The following ANOS1 variants were observed in gnomAD, a reference collection of about 807,000 sequenced individuals.
ANOS1 encodes anosmin 1.
ANOS1 carries 6 observed loss-of-function variants against 59.0 expected under a neutral mutation model. The ratio of observed to expected loss-of-function variants is 0.10; its 90% confidence interval spans 0.06 to 0.20. ANOS1 has a LOEUF of 0.20. ANOS1 is among the 10% of genes least tolerant of loss of function. The pLI is 1.00. For missense variants in ANOS1, 433 were observed against 542.3 expected, an observed-to-expected ratio of 0.80 and a Z score of 2.00; for synonymous variants, 217 against 223.4, an observed-to-expected ratio of 0.97 and a Z score of 0.25.
intron 6 of ANOS1, among the ~76,000 whole-genome samples, chrX:8,576,592 G>A (rs1467219131): frequency 1.8e-5 from 2 of 109,425 alleles, no homozygotes; most frequent in Non-Finnish European, 3.8e-5. Context: ...AACTCTATAC[G>A]TTATTATAAA....
At chrX:8,540,518 G>A (rs1004629809) in intron 9 of ANOS1, among the ~76,000 whole-genome samples, 1 of 111,079 alleles carries the variant, frequency 9.0e-6, no homozygotes, top group African/African-American at 3.3e-5. Flanking sequence ...CAATAAAGTG[G>A]GGGGAAAAAA....
chrX:8,587,285 C>T (rs1012352120), intron 5 of ANOS1, among the ~76,000 whole-genome samples: 2 of 111,357 alleles, frequency 1.8e-5, no homozygotes, highest in South Asian at 3.8e-4. Context: ...TTGACTAAGA[C>T]AAAGAAGAAA....
chrX:8,585,189 G>A, intron 6 of ANOS1, 78 bp downstream of exon 6: 2 of 1,046,537 alleles, frequency 1.9e-6, no homozygotes, highest in Admixed American at 4.7e-5. Context: ...TATGAACATA[G>A]AGACAGTGAA....
chrX:8,704,560 G>C (rs1932771681), intron 1 of ANOS1, among the ~76,000 whole-genome samples: 1 of 112,168 alleles, frequency 8.9e-6, no homozygotes, highest in African/African-American at 3.2e-5. Flanking sequence ...GTTGAGCAAG[G>C]CATTTTCATT....
chrX:8,609,030 A>T (rs1195278882), intron 3 of ANOS1, among the ~76,000 whole-genome samples: 1 of 112,407 alleles, frequency 8.9e-6, no homozygotes, highest in Non-Finnish European at 1.9e-5. Context: ...TTTCCTCGTT[A>T]TGAACAAGTA....
intron 3 of ANOS1, 76 bp downstream of exon 3, chrX:8,623,532 C>G (rs759200070): frequency 7.7e-5 from 55 of 710,684 alleles, no homozygotes; most frequent in Non-Finnish European, 1.2e-4. Context: ...TAAGAAGGCC[C>G]ATTCATTCCC....
chrX:8,700,516 C>T (rs1932746364), intron 1 of ANOS1, among the ~76,000 whole-genome samples: 1 of 111,695 alleles, frequency 9.0e-6, no homozygotes, highest in Non-Finnish European at 1.9e-5. Context: ...AAGATTTGGG[C>T]AGGCACACAA....
intron 6 of ANOS1, among the ~76,000 whole-genome samples, chrX:8,578,857 A>G (rs1451510099): frequency 8.9e-6 from 1 of 112,213 alleles, no homozygotes; most frequent in African/African-American, 3.2e-5. Flanking sequence ...ATCAAAAAAA[A>G]TGAATTTGGA....
chrX:8,719,718 G>A (rs938745194), intron 1 of ANOS1, among the ~76,000 whole-genome samples: 3 of 110,768 alleles, frequency 2.7e-5, no homozygotes, highest in African/African-American at 9.9e-5. Context: ...ACATATCTGC[G>A]TTATCTTTAT....
chrX:8,564,302 T>A (rs1255734828), intron 8 of ANOS1, among the ~76,000 whole-genome samples: 1 of 111,497 alleles, frequency 9.0e-6, no homozygotes, highest in Non-Finnish European at 1.9e-5. Flanking sequence ...GGGGCAGATT[T>A]GGTGGAAAAG....
At chrX:8,653,484 C>T (rs1168013123) in intron 2 of ANOS1, among the ~76,000 whole-genome samples, 1 of 111,174 alleles carries the variant, frequency 9.0e-6, no homozygotes, top group Non-Finnish European at 1.9e-5. Context: ...CATCCTGGAC[C>T]TCTCTCCTCC....
intron 3 of ANOS1, among the ~76,000 whole-genome samples, chrX:8,606,996 G>A (rs5934456): frequency 0.38 from 42,256 of 110,725 alleles, 5,809 homozygotes; most frequent in South Asian, 0.43. Flanking sequence ...GCACACAACT[G>A]TAATCCCAGC....
intron 1 of ANOS1, among the ~76,000 whole-genome samples, chrX:8,726,183 G>C (rs772166073): frequency 9.0e-6 from 1 of 111,205 alleles, no homozygotes; most frequent in Non-Finnish European, 1.9e-5. Flanking sequence ...GTTTTGATGC[G>C]CTAATTGTTT....
At chrX:8,686,664 G>A (rs2146890334) in intron 2 of ANOS1, among the ~76,000 whole-genome samples, 1 of 112,161 alleles carries the variant, frequency 8.9e-6, no homozygotes, top group Admixed American at 9.4e-5. Context: ...CAGAATGAAT[G>A]TCTCTAGGCC....
rs767020991 is a variant in ANOS1 at position 8,721,279 on chromosome X, T to C, written c.207+10551A>G. On this transcript the variant is annotated intron_variant, in intron 1 of 13. Transcript: ENST00000262648. ...GGTGCTGTTTCCCCTCTGTCTTCTC[T>C]CGCTGTTAACATACTAAGAAGTGGA... Among the ~76,000 whole-genome samples the C allele has an allele frequency of 1.1e-4, 12 of 111,748 alleles. No homozygotes were observed. The South Asian group carries it at 1.1e-3, about 11-fold the overall frequency.
intron 2 of ANOS1, among the ~76,000 whole-genome samples, chrX:8,670,005 G>A (rs1295630830): frequency 8.9e-6 from 1 of 111,754 alleles, no homozygotes; most frequent in Non-Finnish European, 1.9e-5. Flanking sequence ...ATAGATAAAC[G>A]ATGAGAGAAA....
chrX:8,587,839 G>A lies in ANOS1; in HGVS notation c.681C>T (p.Ile227=), dbSNP rs1930545351. The A allele has an allele frequency of 8.3e-7, 1 of 1,205,051 alleles. No homozygotes were observed. Among genetic ancestry groups the A allele is most frequent in the Non-Finnish European group, 1.1e-6 (1 of 892,347 alleles). Residue 227 remains isoleucine (I), a synonymous_variant, in exon 5 of 14, where the codon ATC becomes ATT. Transcript: ENST00000262648. ...GAGTGGCGTCATCTTCGCTAGGATG[G>A]ATTCCATAATTCCATCTTCTTTGTA... ...YVVQRRWNYG[I]HPSEDDATHW...
intron 1 of ANOS1, among the ~76,000 whole-genome samples, chrX:8,718,118 G>A (rs1932852169): frequency 9.0e-6 from 1 of 111,520 alleles, no homozygotes; most frequent in African/African-American, 3.3e-5. Context: ...AAATGATTAA[G>A]CAAAAGATAT....
intron 1 of ANOS1, among the ~76,000 whole-genome samples, chrX:8,711,860 A>G (rs1036012747): frequency 2.7e-5 from 3 of 113,066 alleles, no homozygotes; most frequent in Admixed American, 9.4e-5. Flanking sequence ...TTGCAAAGGC[A>G]TAATATCCAT....
Sources: allele counts gnomAD v4.1 joint callset (sites outside exome capture counted in the v4.1 genomes callset), GRCh38; gene constraint gnomAD v4.1.1; transcripts MANE v1.5; gene names NCBI Gene and HGNC (gene_info 2026-07-23, HGNC 2026-07-21).